The following ACER1 variants were observed in gnomAD, a reference collection of about 807,000 sequenced individuals.
ACER1 encodes CTB-180A7.3.
A neutral mutation model predicts 24.9 loss-of-function variants in ACER1; 28 were observed. The ratio of observed to expected loss-of-function variants is 1.13; its 90% CI spans 0.83 to 1.54. ACER1 has a LOEUF of 1.54. ACER1 is among the 40% of genes most tolerant of loss of function. ACER1 has a pLI of 0.00. For missense variants in ACER1, 352 were observed against 349.3 expected, an observed-to-expected ratio of 1.01 and a Z score of -0.06; for synonymous variants, 132 against 131.4, an observed-to-expected ratio of 1.00 and a Z score of -0.03.
chr19:6,316,846 T>C (rs2091605500), intron 1 of ACER1, among the ~76,000 whole-genome samples: 1 of 149,820 alleles, frequency 6.7e-6, no homozygotes, highest in Non-Finnish European at 1.5e-5. Flanking sequence ...GAGGTCAGAC[T>C]TCACCACCAC....
chr19:6,337,200 G>A (rs76811743), upstream of ACER1, among the ~76,000 whole-genome samples: 2 of 151,230 alleles, frequency 1.3e-5, no homozygotes, highest in Admixed American at 6.6e-5. Flanking sequence ...AATCACTGTG[G>A]TGTCTGAAAG....
intron 3 of ACER1, among the ~76,000 whole-genome samples, chr19:6,311,804 G>A (rs2091583301): frequency 6.6e-6 from 1 of 151,544 alleles, no homozygotes; most frequent in African/African-American, 2.4e-5. Context: ...AAGATGCCAG[G>A]AACGCCAGGT....
the ACER1 span, among the ~76,000 whole-genome samples, chr19:6,358,662 A>C: frequency 6.7e-6 from 1 of 150,116 alleles, no homozygotes; most frequent in Admixed American, 6.7e-5. Context: ...GGCCGGGCGC[A>C]GTGGCTCACG....
the ACER1 span, among the ~76,000 whole-genome samples, chr19:6,356,481 A>AAATAAAT: frequency 0.021 from 3,004 of 142,902 alleles, 132 homozygotes; most frequent in African/African-American, 0.072. Flanking sequence ...AAAAATAAAT[A>AAATAAAT]AAATAAATAA....
At chr19:6,307,057 G>T in intron 5 of ACER1, 96 bp downstream of exon 5, 5 of 1,555,040 alleles carry the variant, frequency 3.2e-6, no homozygotes, top group Non-Finnish European at 4.4e-6. Context: ...TCCTCTCTCT[G>T]CTTCTCCAAC....
chr19:6,345,099 G>T, the ACER1 span, among the ~76,000 whole-genome samples: 2 of 151,940 alleles, frequency 1.3e-5, no homozygotes, highest in African/African-American at 2.4e-5. Flanking sequence ...TCTCCTGGCT[G>T]GTCAAGGCTG....
chr19:6,326,928 T>A (rs1015907194), intron 1 of ACER1, among the ~76,000 whole-genome samples: 1 of 152,274 alleles, frequency 6.6e-6, no homozygotes, highest in Admixed American at 6.5e-5. Flanking sequence ...TCTGACCAGC[T>A]CTTCTTTGAC....
chr19:6,324,918 G>A (rs2091653584), intron 1 of ACER1, among the ~76,000 whole-genome samples: 2 of 146,906 alleles, frequency 1.4e-5, no homozygotes, highest in South Asian at 4.3e-4. Context: ...GAAGGAGGAA[G>A]GAAGGAAACT....
intron 1 of ACER1, among the ~76,000 whole-genome samples, chr19:6,317,709 A>G (rs926645265): frequency 3.3e-5 from 5 of 151,768 alleles, no homozygotes; most frequent in African/African-American, 1.2e-4. Flanking sequence ...ATCTCTCTCC[A>G]ACTTTTTTTG....
chr19:6,311,081 C>A (rs1166508304), intron 3 of ACER1, among the ~76,000 whole-genome samples: 1 of 151,614 alleles, frequency 6.6e-6, no homozygotes, highest in Non-Finnish European at 1.5e-5. Context: ...TGAGGTCAGG[C>A]AAGGAGTTCA....
At chr19:6,355,847 G>C in the ACER1 span, among the ~76,000 whole-genome samples, 6 of 145,506 alleles carry the variant, frequency 4.1e-5, no homozygotes, top group Admixed American at 1.4e-4. Flanking sequence ...GGAGGGAGGT[G>C]GGGGGGTCAG....
intron 1 of ACER1, among the ~76,000 whole-genome samples, chr19:6,313,603 C>T (rs896569328): frequency 9.9e-5 from 15 of 152,182 alleles, no homozygotes; most frequent in African/African-American, 3.1e-4. Context: ...TCAAAAACCA[C>T]GTAAGGAAAG....
At chr19:6,356,067 G>A in the ACER1 span, among the ~76,000 whole-genome samples, 1 of 151,442 alleles carries the variant, frequency 6.6e-6, no homozygotes, top group South Asian at 2.1e-4. Flanking sequence ...AAATCGGATG[G>A]TTGCCATGTC....
chr19:6,309,633 G>C, intron 4 of ACER1, 64 bp downstream of exon 4: 1 of 1,601,864 alleles, frequency 6.2e-7, no homozygotes, highest in East Asian at 2.2e-5. Flanking sequence ...CCGCGAGCCT[G>C]GAGTCAGGGG....
rs1477894412 is a variant in ACER1 at position 6,312,130 on chromosome 19, T to C, written c.350+19A>G. The C allele has an allele frequency of 1.2e-6, 2 of 1,611,296 alleles. No individual in the cohort carries two copies. The highest frequency in any genetic ancestry group is 1.7e-6 in the Non-Finnish European group (2 of 1,179,070). On this transcript the variant is annotated intron_variant, in intron 3 of 5. Transcript: ENST00000301452. ...AGACTCAGACCCCACCCTGTCCAGATGGCCAGCCCCTGACCCACCTGTTCC... is the reference window on the plus strand; with the variant it reads ...AGACTCAGACCCCACCCTGTCCAGACGGCCAGCCCCTGACCCACCTGTTCC...
rs142427159 is a variant in ACER1 at position 6,307,168 on chromosome 19, T to C, written c.611A>G (p.Tyr204Cys). The change falls in exon 5 of 6, where the codon TAT becomes TGT. Residue 204 changes from tyrosine to cysteine, a missense_variant. Coordinates refer to ENST00000301452, the MANE Select transcript of ACER1 (RefSeq NM_133492.3). ...ATGTGCTTACCAGATGCTGTGCAGA[T>C]AGAAGAAATGAATCCTCTGCCAGAA... ...CSFWQRIHFF[Y>C]LHSIWHVLIS... The C allele has an allele frequency of 6.8e-5, 109 of 1,614,072 alleles. No homozygotes were observed. The highest frequency in any genetic ancestry group is 8.6e-5 in the Non-Finnish European group (101 of 1,180,030).
chr19:6,318,790 A>AAAAT (rs1421579319), intron 1 of ACER1, among the ~76,000 whole-genome samples: 1 of 19,654 alleles, frequency 5.1e-5, no homozygotes, highest in African/African-American at 1.6e-4. Flanking sequence ...CGTTTCAAAA[A>AAAAT]AAATAAATAA....
At chr19:6,337,108 G>A (rs1026250416), upstream of ACER1, among the ~76,000 whole-genome samples, 5 of 151,570 alleles carry the variant, frequency 3.3e-5, no homozygotes, top group East Asian at 9.7e-4. Context: ...CCCAGAAAAC[G>A]GAGGTTGCAG....
upstream of ACER1, among the ~76,000 whole-genome samples, chr19:6,337,714 C>T (rs1210101038): frequency 4.8e-5 from 5 of 103,188 alleles, no homozygotes; most frequent in Admixed American, 1.5e-4. Flanking sequence ...CTTGCTCTGT[C>T]GCCCAGGCTG....
Sources: allele counts gnomAD v4.1 joint callset (sites outside exome capture counted in the v4.1 genomes callset), GRCh38; gene constraint gnomAD v4.1.1; transcripts MANE v1.5; gene names NCBI Gene and HGNC (gene_info 2026-07-23, HGNC 2026-07-21).